Variants in SLCO6A1 observed in about 807,000 individuals in gnomAD.
SLCO6A1 encodes cancer/testis antigen 48.
SLCO6A1 carries 65 observed loss-of-function variants against 72.7 expected under a neutral mutation model. That is an observed-to-expected ratio of 0.89 (90% CI 0.73 to 1.10). The LOEUF is 1.10. Ranked by LOEUF, SLCO6A1 falls within the 50% of genes least tolerant of loss-of-function variation. The probability of loss-of-function intolerance (pLI) is 0.00; values close to 1 mark genes in which losing one functional copy is unlikely to be tolerated. For synonymous variants in SLCO6A1, 314 were observed against 298.2 expected (o/e 1.05, Z -0.55); for missense variants, 874 against 872.6 (o/e 1.00, Z -0.02).
At chr5:102,480,003 T>C (rs1015874328) in intron 2 of SLCO6A1, among the ~76,000 whole-genome samples, 174 bp downstream of exon 2, 2 of 152,222 alleles carry the variant, frequency 1.3e-5, no homozygotes, top group Non-Finnish European at 2.9e-5. Flanking sequence ...TGTGATGACA[T>C]ATATGTCCAC....
intron 10 of SLCO6A1, 103 bp from the exon 11 acceptor site, chr5:102,391,148 T>G: frequency 9.7e-7 from 1 of 1,027,880 alleles, no homozygotes; most frequent in South Asian, 1.4e-5. Flanking sequence ...GGTGCATCAA[T>G]TGTACTAAGA....
intron 3 of SLCO6A1, 119 bp downstream of exon 3, chr5:102,477,557 T>A: frequency 1.4e-6 from 1 of 739,136 alleles, no homozygotes; most frequent in Non-Finnish European, 2.1e-6. Context: ...ATACCAATTA[T>A]CATTTATTAC....
At chr5:102,398,797 C>T (rs1327010801) in intron 10 of SLCO6A1, among the ~76,000 whole-genome samples, 5 of 152,044 alleles carry the variant, frequency 3.3e-5, no homozygotes, top group African/African-American at 9.7e-5. Context: ...TCACTGCTCA[C>T]TTTTCCTGCT....
intron 6 of SLCO6A1, among the ~76,000 whole-genome samples, chr5:102,455,027 T>TATATATATATAA (rs144619414): frequency 7.1e-6 from 1 of 141,828 alleles, no homozygotes; most frequent in African/African-American, 2.7e-5. Flanking sequence ...TATATATATA[T>TATATATATATAA]AAATTATGTT....
Position 102,419,915 on chromosome 5 carries a change from T to G in SLCO6A1, c.1383A>C (p.Thr461=), listed in dbSNP as rs372569573. 10 of 1,609,304 alleles carry G rather than the reference T, an allele frequency of 6.2e-6. No homozygotes were observed. The highest frequency in any genetic ancestry group is 8.5e-6 in the Non-Finnish European group (10 of 1,178,586). ...CKALMRFIMV[T]SVISLILLVF... ...CAAGCAGTATAAGTGATATCACAGA[T>G]GTAACCATTATAAATCTCATAAGGG... Residue 461 remains threonine (T), a synonymous_variant, in exon 8 of 14, where the codon ACA becomes ACC. Coordinates refer to ENST00000506729, the MANE Select transcript of SLCO6A1 (RefSeq NM_173488.5).
At chr5:102,444,418 AAC>A (rs1431713862) in intron 6 of SLCO6A1, among the ~76,000 whole-genome samples, 2 of 152,178 alleles carry the variant, frequency 1.3e-5, no homozygotes, top group Non-Finnish European at 2.9e-5. Flanking sequence ...AAAGGATGAA[AAC>A]ATAAGTTAAA....
At chr5:102,469,725 T>C (rs537080191) in intron 4 of SLCO6A1, among the ~76,000 whole-genome samples, 59 of 152,196 alleles carry the variant, frequency 3.9e-4, no homozygotes, top group East Asian at 3.3e-3. Flanking sequence ...GAGGGCATCC[T>C]TGTCTTGTGC....
chr5:102,416,709 A>G (rs1748306377), intron 8 of SLCO6A1, among the ~76,000 whole-genome samples: 1 of 152,116 alleles, frequency 6.6e-6, no homozygotes. Context: ...CAAAATTGCA[A>G]TCATACCCCA....
chr5:102,389,440 A>ACCCC (rs1405717636), intron 11 of SLCO6A1, among the ~76,000 whole-genome samples: 44 of 52,864 alleles, frequency 8.3e-4, no homozygotes, highest in East Asian at 1.0e-3. Flanking sequence ...ACAGTCACAC[A>ACCCC]CCCCGCCCCC....
At chr5:102,426,270 G>T (rs1041307146) in intron 7 of SLCO6A1, among the ~76,000 whole-genome samples, 8 of 152,170 alleles carry the variant, frequency 5.3e-5, no homozygotes, top group Non-Finnish European at 1.0e-4. Flanking sequence ...TTGACAAATG[G>T]AATCTAATTA....
chr5:102,471,612 C>T (rs1751613031), intron 4 of SLCO6A1, among the ~76,000 whole-genome samples: 1 of 152,052 alleles, frequency 6.6e-6, no homozygotes, highest in Non-Finnish European at 1.5e-5. Flanking sequence ...AAGCCTTAAT[C>T]CCAATCCACA....
At chr5:102,467,189 G>T (rs2112787479) in intron 4 of SLCO6A1, among the ~76,000 whole-genome samples, 1 of 152,046 alleles carries the variant, frequency 6.6e-6, no homozygotes, top group African/African-American at 2.4e-5. Flanking sequence ...GTTGATTTTT[G>T]TATATTGTGA....
At chr5:102,462,060 G>A (rs188996315) in intron 4 of SLCO6A1, among the ~76,000 whole-genome samples, 17 of 152,196 alleles carry the variant, frequency 1.1e-4, no homozygotes, top group Non-Finnish European at 1.9e-4. Context: ...ACACAAATCA[G>A]TAGCACTGCT....
At chr5:102,403,939 T>A (rs1273159251) in intron 9 of SLCO6A1, among the ~76,000 whole-genome samples, 1 of 152,152 alleles carries the variant, frequency 6.6e-6, no homozygotes, top group East Asian at 1.9e-4. Context: ...TTTTTTCTAA[T>A]TATTTTTCTA....
intron 12 of SLCO6A1, among the ~76,000 whole-genome samples, chr5:102,374,233 T>C (rs951406723): frequency 6.6e-6 from 1 of 152,102 alleles, no homozygotes; most frequent in South Asian, 2.1e-4. Flanking sequence ...CTCAAACTTG[T>C]GAGCTCAGGC....
At chr5:102,396,314 C>T (rs1040718094) in intron 10 of SLCO6A1, among the ~76,000 whole-genome samples, 1 of 152,056 alleles carries the variant, frequency 6.6e-6, no homozygotes, top group Non-Finnish European at 1.5e-5. Flanking sequence ...TTCCCCATTT[C>T]TTGTTTTTGT....
At chr5:102,489,486 A>G (rs372652315) in intron 1 of SLCO6A1, among the ~76,000 whole-genome samples, 1 of 152,380 alleles carries the variant, frequency 6.6e-6, no homozygotes, top group East Asian at 1.9e-4. Flanking sequence ...AGACATAAAA[A>G]TGATCATCAG....
chr5:102,495,878 C>T (rs952591044), intron 1 of SLCO6A1, among the ~76,000 whole-genome samples: 1 of 152,096 alleles, frequency 6.6e-6, no homozygotes, highest in Admixed American at 6.5e-5. Context: ...AAACCATACT[C>T]TGTAAGACTT....
intron 1 of SLCO6A1, among the ~76,000 whole-genome samples, chr5:102,495,159 AT>A (rs1752852241): frequency 6.6e-6 from 1 of 152,234 alleles, no homozygotes; most frequent in Non-Finnish European, 1.5e-5. Context: ...AAACTGTATG[AT>A]TCCATGTTTA....
Sources: gnomAD v4.1 joint callset for allele counts (sites outside exome capture counted in the v4.1 genomes callset) on GRCh38, gnomAD v4.1.1 for gene constraint, MANE v1.5 for transcripts, NCBI Gene and HGNC (gene_info 2026-07-23, HGNC 2026-07-21) for gene names.